DPF3: variants seen among roughly 807,000 people sequenced by gnomAD.
The protein encoded by DPF3 is double PHD fingers 3.
In DPF3, 18 loss-of-function variants were observed where a neutral mutation model predicts 56.8. The observed-to-expected ratio is 0.32, with a 90% CI of 0.22 to 0.47. DPF3 has a LOEUF of 0.47. Ranked by LOEUF, DPF3 falls within the 20% of genes least tolerant of loss-of-function variation. The pLI is 1.00. For synonymous variants in DPF3, 188 were observed against 180.2 expected (o/e 1.04, Z -0.35); for missense variants, 403 against 488.8 (o/e 0.82, Z 1.65).
intron 1 of DPF3, among the ~76,000 whole-genome samples, chr14:72,812,888 C>T (rs2140020778): frequency 1.3e-5 from 2 of 152,202 alleles, no homozygotes; most frequent in Admixed American, 1.3e-4. Flanking sequence ...TGAGAGGGCT[C>T]TGAGGATACA....
At chr14:72,715,691 C>A (rs577628184) in intron 5 of DPF3, among the ~76,000 whole-genome samples, 2 of 152,046 alleles carry the variant, frequency 1.3e-5, no homozygotes, top group African/African-American at 2.4e-5. Flanking sequence ...AGTGGAAAGG[C>A]CTGTACCCTA....
intron 1 of DPF3, among the ~76,000 whole-genome samples, chr14:72,834,980 T>C (rs1884229368): frequency 9.6e-6 from 1 of 104,298 alleles, no homozygotes; most frequent in Non-Finnish European, 1.9e-5. Context: ...TTCATCTCTA[T>C]GGAATATCTA....
chr14:72,830,821 T>G (rs1884021657), intron 1 of DPF3, among the ~76,000 whole-genome samples: 1 of 152,310 alleles, frequency 6.6e-6, no homozygotes, highest in South Asian at 2.1e-4. Flanking sequence ...GTCACCCCGA[T>G]CTCACTAGTT....
intron 3 of DPF3, among the ~76,000 whole-genome samples, chr14:72,740,529 G>A (rs1379549560): frequency 6.6e-6 from 1 of 152,188 alleles, no homozygotes; most frequent in Non-Finnish European, 1.5e-5. Context: ...GCAGTGCCCT[G>A]AGCAGGGGGC....
At chr14:72,860,569 T>TTTTCTC (rs1459032014) in intron 1 of DPF3, among the ~76,000 whole-genome samples, 4 of 151,730 alleles carry the variant, frequency 2.6e-5, no homozygotes, top group Non-Finnish European at 5.9e-5. Flanking sequence ...TTCTTTTTCT[T>TTTTCTC]TTTCTTTTTT....
Position 72,671,527 on chromosome 14 carries a change from G to C in DPF3, c.871+2713C>G, listed in dbSNP as rs781573334. 4.5e-5 allele frequency: 38 copies of C among 849,276 alleles called. No homozygotes were observed. The African/African-American group carries it at 6.3e-4, about 14-fold the overall frequency. The allele number at this position is 849,276 out of a possible 1,614,324, so 52.6% of individuals were successfully genotyped here. ...CAAAGCAAACATTTCCAGGGAAGAG[G>C]CTTCCCCCACTCCCCGAAAAGGCAT... is the stretch of plus-strand genomic sequence containing the variant. On this transcript the variant is annotated intron_variant, in intron 8 of 10. Coordinates refer to ENST00000556509, the MANE Select transcript of DPF3 (RefSeq NM_001280542.3).
intron 6 of DPF3, among the ~76,000 whole-genome samples, chr14:72,711,014 A>C (rs7155359): frequency 6.6e-6 from 1 of 152,022 alleles, no homozygotes. Flanking sequence ...AGCTACAATA[A>C]TATTCAAGCC....
chr14:72,796,889 G>A (rs1892668955), intron 1 of DPF3, among the ~76,000 whole-genome samples: 1 of 152,204 alleles, frequency 6.6e-6, no homozygotes, highest in South Asian at 2.1e-4. Flanking sequence ...AGAAAAGGAG[G>A]AAGGAGAGTG....
intron 1 of DPF3, among the ~76,000 whole-genome samples, chr14:72,863,182 C>A (rs1938058677): frequency 7.1e-6 from 1 of 140,786 alleles, no homozygotes; most frequent in African/African-American, 2.6e-5. Flanking sequence ...GTGTGTGTAT[C>A]CCCAGGCCTT....
At chr14:72,821,846 A>T (rs1204098518) in intron 1 of DPF3, among the ~76,000 whole-genome samples, 2 of 150,524 alleles carry the variant, frequency 1.3e-5, no homozygotes, top group South Asian at 2.1e-4. Context: ...TCTCCACTAA[A>T]TTTTTTTTTT....
intron 8 of DPF3, among the ~76,000 whole-genome samples, chr14:72,637,741 T>C (rs1885426733): frequency 6.6e-6 from 1 of 152,126 alleles, no homozygotes; most frequent in Non-Finnish European, 1.5e-5. Flanking sequence ...TGATCCCCAA[T>C]TGCCCATCTG....
At chr14:72,737,933 C>T (rs1164462410) in intron 3 of DPF3, among the ~76,000 whole-genome samples, 2 of 151,484 alleles carry the variant, frequency 1.3e-5, no homozygotes, top group Non-Finnish European at 2.9e-5. Flanking sequence ...AGTTTTTCTT[C>T]AAAAATACAA....
At chr14:72,674,636 C>T (rs1173663808) in intron 7 of DPF3, among the ~76,000 whole-genome samples, 1 of 152,218 alleles carries the variant, frequency 6.6e-6, no homozygotes, top group Non-Finnish European at 1.5e-5. Flanking sequence ...TGATTGCATC[C>T]TTAGATGATC....
intron 7 of DPF3, among the ~76,000 whole-genome samples, chr14:72,688,311 GTGGGTGGGTGGGTGGA>G (rs1389635723): frequency 9.6e-6 from 1 of 104,590 alleles, no homozygotes; most frequent in African/African-American, 3.9e-5. Context: ...GGGTGGGTGG[GTGGGTGGGTGGGTGGA>G]TGGATCGATG....
At chr14:72,753,688 C>A (rs1855939342) in intron 2 of DPF3, among the ~76,000 whole-genome samples, 1 of 152,180 alleles carries the variant, frequency 6.6e-6, no homozygotes, top group African/African-American at 2.4e-5. Flanking sequence ...AGGACCTTTG[C>A]AGTGTCTCCA....
chr14:72,821,790 G>A (rs1883555675), intron 1 of DPF3, among the ~76,000 whole-genome samples: 1 of 152,172 alleles, frequency 6.6e-6, no homozygotes, highest in South Asian at 2.1e-4. Flanking sequence ...AGGACTGCTT[G>A]AGGCCAGGAG....
intron 8 of DPF3, among the ~76,000 whole-genome samples, chr14:72,652,323 G>T (rs1018671292): frequency 2.6e-5 from 4 of 152,168 alleles, no homozygotes; most frequent in South Asian, 2.1e-4. Flanking sequence ...CATTGGTGGT[G>T]GTGGGCTGAC....
At chr14:72,793,826 T>C (rs1452624333) in intron 1 of DPF3, among the ~76,000 whole-genome samples, 1 of 152,232 alleles carries the variant, frequency 6.6e-6, no homozygotes, top group Non-Finnish European at 1.5e-5. Flanking sequence ...CAAATAACAA[T>C]GCCAGCTCCA....
At chr14:72,885,036 G>T (rs1281142495) in intron 1 of DPF3, among the ~76,000 whole-genome samples, 2 of 139,058 alleles carry the variant, frequency 1.4e-5, no homozygotes, top group South Asian at 2.3e-4. Flanking sequence ...GGGGAATGGG[G>T]AATGGCGTGA....
Sources: gnomAD v4.1 joint callset for allele counts (sites outside exome capture counted in the v4.1 genomes callset) on GRCh38, gnomAD v4.1.1 for gene constraint, MANE v1.5 for transcripts, NCBI Gene and HGNC (gene_info 2026-07-23, HGNC 2026-07-21) for gene names.